The following BMP5 variants were observed in gnomAD, a reference collection of about 807,000 sequenced individuals.
The protein encoded by BMP5 is bone morphogenetic protein 5.
In BMP5, 23 loss-of-function variants were observed where a neutral mutation model predicts 46.6. That is an observed-to-expected ratio of 0.49 (90% CI 0.35 to 0.70). The LOEUF is 0.70. BMP5 is among the 30% of genes least tolerant of loss of function. The pLI is 0.00. For synonymous variants in BMP5, 204 were observed against 191.9 expected, an observed-to-expected ratio of 1.06 and a Z score of -0.52; for missense variants, 545 against 565.6, an observed-to-expected ratio of 0.96 and a Z score of 0.37.
At chr6:55,789,360 C>CA (rs1251861037) in intron 3 of BMP5, among the ~76,000 whole-genome samples, 3 of 151,628 alleles carry the variant, frequency 2.0e-5, no homozygotes, top group Non-Finnish European at 4.4e-5. Flanking sequence ...TTCTATAAAC[C>CA]CAAGTTTGAA....
chr6:55,780,636 G>A (rs2843544), intron 3 of BMP5, among the ~76,000 whole-genome samples: 4,740 of 151,964 alleles, frequency 0.031, 104 homozygotes, highest in Middle Eastern at 0.065. Context: ...TAAAAATTTT[G>A]CAGAAGATAC....
chr6:55,854,579 C>T (rs1021589848), intron 1 of BMP5, among the ~76,000 whole-genome samples: 11 of 151,886 alleles, frequency 7.2e-5, no homozygotes, highest in Non-Finnish European at 1.5e-4. Context: ...AGACTCATTT[C>T]ACAATTATTG....
At chr6:55,850,000 A>G (rs1483009315) in intron 1 of BMP5, among the ~76,000 whole-genome samples, 1 of 152,082 alleles carries the variant, frequency 6.6e-6, no homozygotes, top group East Asian at 1.9e-4. Context: ...AGTCCTTTGC[A>G]TACATAGTAT....
chr6:55,760,329 C>T, intron 5 of BMP5, 128 bp downstream of exon 5: 1 of 794,954 alleles, frequency 1.3e-6, no homozygotes, highest in East Asian at 2.7e-5. Flanking sequence ...GTGAATAAGC[C>T]ATATTCTAAA....
chr6:55,871,160 T>C (rs1392311118), intron 1 of BMP5, among the ~76,000 whole-genome samples: 1 of 151,836 alleles, frequency 6.6e-6, no homozygotes, highest in Non-Finnish European at 1.5e-5. Flanking sequence ...TGTCTTTAAC[T>C]TGTACTGGTA....
At chr6:55,766,881 T>A (rs1774928645) in intron 4 of BMP5, among the ~76,000 whole-genome samples, 1 of 152,050 alleles carries the variant, frequency 6.6e-6, no homozygotes, top group Non-Finnish European at 1.5e-5. Context: ...TTCATCCATG[T>A]CTGTTAATTC....
At chr6:55,837,247 AG>A (rs2127544109) in intron 1 of BMP5, among the ~76,000 whole-genome samples, 1 of 152,208 alleles carries the variant, frequency 6.6e-6, no homozygotes, top group East Asian at 1.9e-4. Context: ...TAATTAACAC[AG>A]TATGTTTAAG....
intron 1 of BMP5, among the ~76,000 whole-genome samples, chr6:55,826,006 T>A (rs1337023697): frequency 6.6e-6 from 1 of 151,898 alleles, no homozygotes; most frequent in Non-Finnish European, 1.5e-5. Flanking sequence ...AAAAAAGCAA[T>A]GATATCATGT....
chr6:55,845,875 A>G (rs1160753545), intron 1 of BMP5, among the ~76,000 whole-genome samples: 1 of 151,954 alleles, frequency 6.6e-6, no homozygotes, highest in East Asian at 1.9e-4. Flanking sequence ...GGTATTTGGG[A>G]ACAAGAACAC....
chr6:55,874,280 T>C, intron 1 of BMP5, 96 bp downstream of exon 1: 1 of 1,515,908 alleles, frequency 6.6e-7, no homozygotes, highest in Non-Finnish European at 9.1e-7. Flanking sequence ...AAAATGTCTT[T>C]ATATAAACAT....
intron 3 of BMP5, among the ~76,000 whole-genome samples, chr6:55,785,034 T>C (rs562116587): frequency 6.6e-6 from 1 of 151,946 alleles, no homozygotes; most frequent in South Asian, 2.1e-4. Context: ...CTCTCAGCAA[T>C]GTTAGTTTCC....
intron 3 of BMP5, among the ~76,000 whole-genome samples, chr6:55,786,475 C>CT (rs540586366): frequency 2.9e-4 from 44 of 150,740 alleles, no homozygotes; most frequent in Non-Finnish European, 5.5e-4. Context: ...ATTATTCAGG[C>CT]TTTTTTTTTC....
chr6:55,793,882 T>C lies in BMP5; in HGVS notation c.832+397A>G, dbSNP rs143133270. Among the ~76,000 whole-genome samples, 1,480 of 152,286 alleles carry C rather than the reference T, an allele frequency of 9.7e-3. 17 individuals carry two copies. Among genetic ancestry groups the C allele is most frequent in the South Asian group, 0.036 (172 of 4,826 alleles). ...CGAGCTTTAAGACATAATTTGCATATAGTAATATTTATTCTTATTTGATGT... is the reference window on the plus strand; with the variant it reads ...CGAGCTTTAAGACATAATTTGCATACAGTAATATTTATTCTTATTTGATGT... On this transcript the variant is annotated intron_variant, in intron 3 of 6. Coordinates refer to ENST00000370830, the MANE Select transcript of BMP5 (RefSeq NM_021073.4).
intron 3 of BMP5, among the ~76,000 whole-genome samples, chr6:55,785,607 A>C (rs1775427830): frequency 2.0e-5 from 3 of 151,852 alleles, no homozygotes; most frequent in Non-Finnish European, 4.4e-5. Context: ...ATTTATTTTC[A>C]GTAGAAATCT....
chr6:55,780,693 C>T (rs145419001), intron 3 of BMP5, among the ~76,000 whole-genome samples: 120 of 151,946 alleles, frequency 7.9e-4, no homozygotes, highest in Non-Finnish European at 9.1e-4. Flanking sequence ...AGAAAAGAAA[C>T]GGGATATTTG....
chr6:55,803,466 C>T (rs1422137706), intron 2 of BMP5, among the ~76,000 whole-genome samples: 1 of 152,102 alleles, frequency 6.6e-6, no homozygotes, highest in Non-Finnish European at 1.5e-5. Context: ...TTGTTTGGGG[C>T]TGCTTTGAAG....
chr6:55,820,488 G>A (rs1166567559), intron 1 of BMP5, among the ~76,000 whole-genome samples: 2 of 151,468 alleles, frequency 1.3e-5, no homozygotes, highest in Non-Finnish European at 2.9e-5. Context: ...TATGATCACC[G>A]CTCACTGACG....
chr6:55,840,688 C>T (rs1207008420), intron 1 of BMP5, among the ~76,000 whole-genome samples: 1 of 152,014 alleles, frequency 6.6e-6, no homozygotes, highest in Admixed American at 6.6e-5. Context: ...AGTATTATTG[C>T]TTTGTCATCT....
rs1258870287 is a variant in BMP5, at chr6:55,755,200, T to C, written c.*333A>G. The C allele has an allele frequency of 5.7e-6, 1 of 176,166 alleles. No homozygotes were observed. Among genetic ancestry groups the C allele is most frequent in the Non-Finnish European group, 1.2e-5 (1 of 83,506 alleles). The allele number at this position is 176,166 out of a possible 1,614,324, so 10.9% of individuals were successfully genotyped here. A position where few individuals can be genotyped will look rare whatever the true frequency, so the allele number is the denominator to read the frequency against. ...ATATTAAACAGTCAAAGGAGTTCTGTCTAATCTCAGAAAATTATGTAAAAT... is the reference window on the plus strand; with the variant it reads ...ATATTAAACAGTCAAAGGAGTTCTGCCTAATCTCAGAAAATTATGTAAAAT... On this transcript the variant is annotated 3_prime_UTR_variant, in exon 7 of 7. Coordinates refer to ENST00000370830, the MANE Select transcript of BMP5 (RefSeq NM_021073.4).
Sources: gnomAD v4.1 joint callset for allele counts (sites outside exome capture counted in the v4.1 genomes callset) on GRCh38, gnomAD v4.1.1 for gene constraint, MANE v1.5 for transcripts, NCBI Gene and HGNC (gene_info 2026-07-23, HGNC 2026-07-21) for gene names.